FBLN7: variants seen among roughly 807,000 people sequenced by gnomAD.
FBLN7 encodes fibulin 7.
A neutral mutation model predicts 44.0 loss-of-function variants in FBLN7; 31 were observed. The observed-to-expected ratio is 0.70, with a 90% CI of 0.53 to 0.95. FBLN7 has a LOEUF of 0.95. Ranked by LOEUF, FBLN7 falls within the 40% of genes least tolerant of loss-of-function variation. The pLI, the probability that FBLN7 is intolerant of heterozygous loss-of-function variation, is 0.00. For missense variants in FBLN7, 573 were observed against 618.5 expected, an observed-to-expected ratio of 0.93 and a Z score of 0.78; for synonymous variants, 262 against 253.4, an observed-to-expected ratio of 1.03 and a Z score of -0.32.
intron 1 of FBLN7, among the ~76,000 whole-genome samples, chr2:112,149,037 C>T (rs907759286): frequency 2.6e-5 from 4 of 152,140 alleles, no homozygotes; most frequent in Admixed American, 6.6e-5. Context: ...AGACTTACTC[C>T]CACAGGCACC....
At chr2:112,234,330 C>T in the FBLN7 span, 1 of 950,108 alleles carries the variant, frequency 1.1e-6, no homozygotes, top group East Asian at 2.8e-5. Context: ...ACTTCAGAGC[C>T]TTAAAGGTGA....
At chr2:112,178,973 G>C (rs564192102) in intron 4 of FBLN7, among the ~76,000 whole-genome samples, 186 of 152,282 alleles carry the variant, frequency 1.2e-3, no homozygotes, top group Non-Finnish European at 2.2e-3. Context: ...ACGTAGTATT[G>C]GAAGTCCTGG....
the FBLN7 span, chr2:112,231,760 ATCTTCAAATTC>A: frequency 5.9e-6 from 5 of 848,242 alleles, no homozygotes; most frequent in African/African-American, 8.6e-5. Flanking sequence ...CTCCTTAATT[ATCTTCAAATTC>A]TCATCCTTAG....
At chr2:112,230,940 G>A in the FBLN7 span, 2 of 1,254,782 alleles carry the variant, frequency 1.6e-6, no homozygotes, top group African/African-American at 1.6e-5. Context: ...CTTCTTTTCA[G>A]TATCCAAAAC....
At chr2:112,158,140 G>A (rs980084337) in intron 1 of FBLN7, among the ~76,000 whole-genome samples, 7 of 147,616 alleles carry the variant, frequency 4.7e-5, no homozygotes, top group East Asian at 4.2e-4. Context: ...CTTGTGATCC[G>A]CCCGCCTCGG....
chr2:112,194,023 A>T, the FBLN7 span, among the ~76,000 whole-genome samples: 1 of 152,210 alleles, frequency 6.6e-6, no homozygotes, highest in African/African-American at 2.4e-5. Context: ...CCAGTAGTTC[A>T]GAGAGAGCAC....
chr2:112,193,921 A>G, the FBLN7 span, among the ~76,000 whole-genome samples: 1 of 152,212 alleles, frequency 6.6e-6, no homozygotes, highest in Admixed American at 6.5e-5. Context: ...ATAGAATTTA[A>G]TTTTGTGTTC....
the FBLN7 span, among the ~76,000 whole-genome samples, chr2:112,231,202 C>G: frequency 6.6e-6 from 1 of 152,070 alleles, no homozygotes; most frequent in Non-Finnish European, 1.5e-5. Flanking sequence ...TATTTTACAA[C>G]CTAAAAATAT....
intron 6 of FBLN7, among the ~76,000 whole-genome samples, chr2:112,184,706 A>C (rs1360496720): frequency 1.4e-5 from 2 of 144,894 alleles, no homozygotes; most frequent in African/African-American, 2.5e-5. Flanking sequence ...ATATATATGA[A>C]TATGGTATAT....
intron 2 of FBLN7, 56 bp downstream of exon 2, chr2:112,159,891 C>T (rs896305242): frequency 1.4e-6 from 2 of 1,381,938 alleles, no homozygotes; most frequent in African/African-American, 1.5e-5. Context: ...AGCACTCTCC[C>T]CGAGACGCTC....
the FBLN7 span, among the ~76,000 whole-genome samples, chr2:112,207,809 T>C: frequency 6.6e-6 from 1 of 152,244 alleles, no homozygotes; most frequent in African/African-American, 2.4e-5. Context: ...TCTATTTTAT[T>C]ATTAATATAG....
chr2:112,166,569 A>C (rs4848279), intron 3 of FBLN7, among the ~76,000 whole-genome samples: 85,007 of 152,036 alleles, frequency 0.56, 24,371 homozygotes, highest in Middle Eastern at 0.75. Context: ...TCAGGAAGTA[A>C]AAGTCATGTA....
the FBLN7 span, chr2:112,233,404 T>C: frequency 7.4e-7 from 1 of 1,349,528 alleles, no homozygotes; most frequent in East Asian, 2.4e-5. Flanking sequence ...GAAAAGCCAT[T>C]ATTTCTCATA....
chr2:112,198,633 C>CAAA, the FBLN7 span, among the ~76,000 whole-genome samples: 3 of 98,318 alleles, frequency 3.1e-5, no homozygotes, highest in African/African-American at 1.4e-4. Flanking sequence ...GAGATTGTCT[C>CAAA]AAAAAAAAAG....
intron 5 of FBLN7, chr2:112,182,144 C>T (rs999271160): frequency 3.4e-5 from 16 of 466,280 alleles, no homozygotes; most frequent in Non-Finnish European, 5.3e-5. Flanking sequence ...GCCTTGAGAC[C>T]CTCCATCCCC....
the FBLN7 span, among the ~76,000 whole-genome samples, chr2:112,206,582 T>A: frequency 1.3e-5 from 2 of 152,108 alleles, no homozygotes; most frequent in Non-Finnish European, 2.9e-5. Context: ...CCACCACAGC[T>A]AATTTTTATA....
chr2:112,217,193 A>G, the FBLN7 span, among the ~76,000 whole-genome samples: 1 of 152,176 alleles, frequency 6.6e-6, no homozygotes, highest in African/African-American at 2.4e-5. Flanking sequence ...ACATGGTGAA[A>G]CCCCACTTCT....
downstream of FBLN7, chr2:112,189,465 C>T (rs1683411641): frequency 6.6e-6 from 1 of 152,392 alleles, no homozygotes; most frequent in Admixed American, 6.5e-5. Flanking sequence ...GCACTTCTCC[C>T]TGTGGAGTGT....
the FBLN7 span, among the ~76,000 whole-genome samples, chr2:112,219,240 T>C: frequency 3.3e-5 from 5 of 152,178 alleles, no homozygotes; most frequent in East Asian, 5.8e-4. Context: ...AAGATAGACA[T>C]ATAGAGCACT....
Sources: gnomAD v4.1 joint callset for allele counts (sites outside exome capture counted in the v4.1 genomes callset) on GRCh38, gnomAD v4.1.1 for gene constraint, MANE v1.5 for transcripts, NCBI Gene and HGNC (gene_info 2026-07-23, HGNC 2026-07-21) for gene names.